Variants in ARHGAP42 observed in about 807,000 individuals in gnomAD.
ARHGAP42 encodes the protein Rho GTPase activating protein 42.
A neutral mutation model predicts 125.0 loss-of-function variants in ARHGAP42; 63 were observed. That is an observed-to-expected ratio of 0.50 (90% CI 0.41 to 0.62). The LOEUF is 0.62. Among genes scored for constraint, ARHGAP42 ranks in the 20% least tolerant of loss-of-function variants. The pLI, the probability that ARHGAP42 is intolerant of heterozygous loss-of-function variation, is 0.00. For missense variants in ARHGAP42, 766 were observed against 1,024.2 expected (o/e 0.75, Z 3.44); for synonymous variants, 339 against 351.0 (o/e 0.97, Z 0.38).
intron 1 of ARHGAP42, among the ~76,000 whole-genome samples, chr11:100,733,930 G>GTTTT (rs774845588): frequency 1.8e-5 from 2 of 113,344 alleles, no homozygotes; most frequent in African/African-American, 6.4e-5. Context: ...AAGCAAAGTT[G>GTTTT]TTTTTTTTTT....
At chr11:100,837,397 G>C (rs1199281490) in intron 3 of ARHGAP42, among the ~76,000 whole-genome samples, 2 of 151,836 alleles carry the variant, frequency 1.3e-5, no homozygotes, top group African/African-American at 2.4e-5. Flanking sequence ...GAATGGTTTT[G>C]TTGTCCGTAA....
chr11:100,908,311 C>T (rs1866806500), intron 4 of ARHGAP42, among the ~76,000 whole-genome samples: 2 of 152,146 alleles, frequency 1.3e-5, no homozygotes, highest in African/African-American at 4.8e-5. Context: ...TCTTTTAAAA[C>T]AATAGTGTGT....
chr11:100,712,068 C>T (rs1861573744), intron 1 of ARHGAP42, among the ~76,000 whole-genome samples: 1 of 152,168 alleles, frequency 6.6e-6, no homozygotes, highest in African/African-American at 2.4e-5. Flanking sequence ...ACTCTTTCTA[C>T]AGCAGGTAAT....
At chr11:100,903,709 A>AAAAAAAAAAAAAATAT (rs1332890022) in intron 4 of ARHGAP42, among the ~76,000 whole-genome samples, 65 of 63,462 alleles carry the variant, frequency 1.0e-3, no homozygotes, top group Non-Finnish European at 1.5e-3. Context: ...TGTCCCTCAA[A>AAAAAAAAAAAAAATAT]ATATATATAT....
chr11:100,866,484 G>A (rs1047722626), intron 4 of ARHGAP42, among the ~76,000 whole-genome samples: 1 of 152,134 alleles, frequency 6.6e-6, no homozygotes, highest in African/African-American at 2.4e-5. Context: ...TTCTCCCACT[G>A]CTATGAGTAA....
chr11:100,900,928 A>G (rs1178048894), intron 4 of ARHGAP42, among the ~76,000 whole-genome samples: 1 of 152,116 alleles, frequency 6.6e-6, no homozygotes, highest in Non-Finnish European at 1.5e-5. Context: ...GCTTTGTTCC[A>G]TTGCTGACGA....
chr11:100,871,716 C>T (rs1031835566), intron 4 of ARHGAP42, among the ~76,000 whole-genome samples: 3 of 152,166 alleles, frequency 2.0e-5, no homozygotes, highest in Non-Finnish European at 4.4e-5. Flanking sequence ...CAGGAAGTGT[C>T]AGCATTTGCT....
intron 3 of ARHGAP42, among the ~76,000 whole-genome samples, chr11:100,837,102 A>G (rs540736045): frequency 2.9e-4 from 44 of 152,290 alleles, no homozygotes; most frequent in African/African-American, 9.9e-4. Flanking sequence ...AAGAATAGAA[A>G]GAACTTTCCT....
intron 4 of ARHGAP42, among the ~76,000 whole-genome samples, chr11:100,871,246 T>C (rs949910090): frequency 6.6e-6 from 1 of 152,048 alleles, no homozygotes; most frequent in Non-Finnish European, 1.5e-5. Flanking sequence ...GTTTCCAGTA[T>C]AAAAATTAAC....
intron 10 of ARHGAP42, among the ~76,000 whole-genome samples, chr11:100,944,756 T>A (rs1317453217): frequency 6.6e-6 from 1 of 152,064 alleles, no homozygotes; most frequent in African/African-American, 2.4e-5. Flanking sequence ...CCTTAAAATA[T>A]TTTAAGTAAT....
At chr11:100,937,155 C>T (rs1320308895) in intron 8 of ARHGAP42, among the ~76,000 whole-genome samples, 10 of 152,184 alleles carry the variant, frequency 6.6e-5, no homozygotes, top group Admixed American at 6.5e-4. Context: ...ACTCTGCAAA[C>T]ATTTATTACT....
intron 3 of ARHGAP42, among the ~76,000 whole-genome samples, chr11:100,816,018 G>C (rs1053305782): frequency 2.1e-4 from 32 of 152,104 alleles, no homozygotes; most frequent in African/African-American, 7.7e-4. Flanking sequence ...TCCATTGTAT[G>C]TATACATTAT....
chr11:100,903,553 A>G (rs1866621426), intron 4 of ARHGAP42, among the ~76,000 whole-genome samples: 1 of 151,366 alleles, frequency 6.6e-6, no homozygotes, highest in Non-Finnish European at 1.5e-5. Context: ...ACTTGATGTC[A>G]GAGCCATCAG....
chr11:100,878,815 A>T (rs1187941589), intron 4 of ARHGAP42, among the ~76,000 whole-genome samples: 3 of 152,088 alleles, frequency 2.0e-5, no homozygotes, highest in African/African-American at 7.2e-5. Context: ...GCTTCCTGGC[A>T]TCTAATGAAA....
At chr11:100,893,745 AC>A (rs1455613745) in intron 4 of ARHGAP42, among the ~76,000 whole-genome samples, 10 of 152,154 alleles carry the variant, frequency 6.6e-5, no homozygotes, top group Non-Finnish European at 1.5e-4. Context: ...TAACCACAGA[AC>A]TAAGCTTTTA....
At chr11:100,825,285 T>C (rs1468958658) in intron 3 of ARHGAP42, among the ~76,000 whole-genome samples, 1 of 152,200 alleles carries the variant, frequency 6.6e-6, no homozygotes, top group African/African-American at 2.4e-5. Flanking sequence ...GCCTTGTTCC[T>C]GATTCAGTTG....
chr11:100,854,876 A>T (rs990630986), intron 3 of ARHGAP42, among the ~76,000 whole-genome samples: 1 of 152,146 alleles, frequency 6.6e-6, no homozygotes, highest in Non-Finnish European at 1.5e-5. Flanking sequence ...TAGAACTGTG[A>T]TGTGATTTTC....
chr11:100,900,278 T>C (rs1022504451), intron 4 of ARHGAP42, among the ~76,000 whole-genome samples: 8 of 152,250 alleles, frequency 5.3e-5, no homozygotes. Context: ...AGAGTTCTCC[T>C]GCTAATCTGA....
intron 4 of ARHGAP42, among the ~76,000 whole-genome samples, chr11:100,879,589 T>C (rs2135173986): frequency 6.6e-6 from 1 of 152,314 alleles, no homozygotes; most frequent in Non-Finnish European, 1.5e-5. Flanking sequence ...TGTTGTCATT[T>C]CTTTTTTTCT....
Sources: allele counts gnomAD v4.1 joint callset (sites outside exome capture counted in the v4.1 genomes callset), GRCh38; gene constraint gnomAD v4.1.1; transcripts MANE v1.5; gene names NCBI Gene and HGNC (gene_info 2026-07-23, HGNC 2026-07-21).